KCNG3: variants seen among roughly 807,000 people sequenced by gnomAD.
The protein encoded by KCNG3 is potassium voltage-gated channel modifier subfamily G member 3.
A neutral mutation model predicts 29.0 loss-of-function variants in KCNG3; 15 were observed. The observed-to-expected ratio is 0.52, with a 90% CI of 0.35 to 0.80. The LOEUF (loss-of-function observed/expected upper bound fraction) is 0.80, where lower values mean the gene tolerates loss of function less well. KCNG3 is among the 30% of genes least tolerant of loss of function. The pLI is 0.01. For missense variants in KCNG3, 512 were observed against 605.7 expected (o/e 0.85, Z 1.62); for synonymous variants, 322 against 248.9 (o/e 1.29, Z -2.76).
intron 1 of KCNG3, among the ~76,000 whole-genome samples, chr2:42,476,445 C>T (rs933582896): frequency 1.3e-5 from 2 of 151,916 alleles, no homozygotes; most frequent in African/African-American, 4.8e-5. Context: ...CCACTGTAAT[C>T]CAGCCTGGAC....
At chr2:42,439,722 C>T (rs1208656058), downstream of KCNG3, among the ~76,000 whole-genome samples, 4 of 151,720 alleles carry the variant, frequency 2.6e-5, no homozygotes, top group South Asian at 6.2e-4. Context: ...TCTCGGCTCA[C>T]TGCAACCTCT....
chr2:42,401,883 C>CA, the KCNG3 span, among the ~76,000 whole-genome samples: 2 of 151,960 alleles, frequency 1.3e-5, no homozygotes, highest in East Asian at 3.8e-4. Context: ...GAATCCGTCT[C>CA]AAAAAACAAA....
the KCNG3 span, among the ~76,000 whole-genome samples, chr2:42,433,991 A>G: frequency 1.3e-5 from 2 of 152,212 alleles, no homozygotes; most frequent in South Asian, 4.1e-4. Flanking sequence ...AAGAAATTAA[A>G]GAAGACATAA....
chr2:42,472,797 G>A (rs144848205), intron 1 of KCNG3, among the ~76,000 whole-genome samples: 5 of 149,780 alleles, frequency 3.3e-5, no homozygotes, highest in African/African-American at 1.2e-4. Flanking sequence ...TATATCTATA[G>A]ATCTATACAT....
chr2:42,452,947 A>G (rs1672799481), intron 1 of KCNG3, among the ~76,000 whole-genome samples: 1 of 152,050 alleles, frequency 6.6e-6, no homozygotes, highest in South Asian at 2.1e-4. Context: ...ATGCCGGGGT[A>G]ATTTTTGTAT....
At chr2:42,491,579 T>C (rs1392610812) in intron 1 of KCNG3, among the ~76,000 whole-genome samples, 3 of 152,196 alleles carry the variant, frequency 2.0e-5, no homozygotes, top group African/African-American at 7.2e-5. Context: ...AAGTAACTCT[T>C]ATCTGTAAAT....
intron 1 of KCNG3, among the ~76,000 whole-genome samples, chr2:42,449,164 ATCAC>A (rs1672683841): frequency 6.6e-6 from 1 of 152,158 alleles, no homozygotes; most frequent in Admixed American, 6.5e-5. Context: ...AGTTGAATGT[ATCAC>A]TCAATTGTGT....
the KCNG3 span, among the ~76,000 whole-genome samples, chr2:42,418,472 T>C: frequency 6.6e-6 from 1 of 152,364 alleles, no homozygotes; most frequent in Non-Finnish European, 1.5e-5. Context: ...TGGATGCCTG[T>C]TGAGTTCAAT....
At chr2:42,417,703 T>G in the KCNG3 span, among the ~76,000 whole-genome samples, 1 of 152,130 alleles carries the variant, frequency 6.6e-6, no homozygotes, top group Non-Finnish European at 1.5e-5. Flanking sequence ...TCAGGCGTGG[T>G]GGCTCACACC....
At chr2:42,455,032 G>C (rs1177042723) in intron 1 of KCNG3, among the ~76,000 whole-genome samples, 1 of 152,128 alleles carries the variant, frequency 6.6e-6, no homozygotes, top group Non-Finnish European at 1.5e-5. Flanking sequence ...TTGTTAAGAT[G>C]GTAAATTTTA....
At chr2:42,481,615 T>C (rs1333942777) in intron 1 of KCNG3, among the ~76,000 whole-genome samples, 1 of 152,082 alleles carries the variant, frequency 6.6e-6, no homozygotes, top group East Asian at 1.9e-4. Flanking sequence ...CAAACCTAAA[T>C]CCTTTTAGTT....
At chr2:42,451,083 T>C (rs1340986059) in intron 1 of KCNG3, among the ~76,000 whole-genome samples, 1 of 150,246 alleles carries the variant, frequency 6.7e-6, no homozygotes, top group Non-Finnish European at 1.5e-5. Context: ...CAGGCGCCTG[T>C]AATCCCAGCT....
chr2:42,450,170 G>A (rs1009798399), intron 1 of KCNG3, among the ~76,000 whole-genome samples: 10 of 152,172 alleles, frequency 6.6e-5, no homozygotes, highest in Non-Finnish European at 1.2e-4. Flanking sequence ...TGACTAAGAA[G>A]GAGGAAATCC....
chr2:42,475,272 T>G (rs944746041), intron 1 of KCNG3, among the ~76,000 whole-genome samples: 47 of 151,748 alleles, frequency 3.1e-4, no homozygotes, highest in Middle Eastern at 3.2e-3. Flanking sequence ...TTCAGTGAGT[T>G]ATGATCACAC....
In KCNG3 at chr2:42,468,954, CAAAAAAAA is replaced by C. The variant is rs61287684; in HGVS notation, c.665+23875_665+23882del. Reference sequence around the variant, plus strand: ...GGGCGACACAGCAAGACTCCGTCTCCAAAAAAAAAAAAAAAAAAAAAAAAAAATGCCAA... The same window carrying C: ...GGGCGACACAGCAAGACTCCGTCTCCAAAAAAAAAAAAAAAAAAATGCCAA... On this transcript the variant is annotated intron_variant, in intron 1 of 1. Coordinates refer to ENST00000306078, the MANE Select transcript of KCNG3 (RefSeq NM_133329.6). 3.2e-4 allele frequency among the ~76,000 whole-genome samples: 18 copies of C among 57,114 alleles called. 1 individual carries two copies. In the East Asian group the frequency reaches 8.9e-3, roughly 28 times the overall value. 37.5% of individuals were successfully genotyped at this position (57,114 alleles called of 152,430 possible).
At position 42,473,878 on chromosome 2, in the gene KCNG3, G is replaced by A. The variant is rs373107798; in HGVS notation, c.665+18959C>T. Among the ~76,000 whole-genome samples the A allele has an allele frequency of 1.3e-4, 20 of 152,040 alleles. No homozygotes were observed. The South Asian group carries it at 3.5e-3, about 27-fold the overall frequency. On this transcript the variant is annotated intron_variant, in intron 1 of 1. Coordinates refer to ENST00000306078, the MANE Select transcript of KCNG3 (RefSeq NM_133329.6). ...ATAAATTATTCAGGTTAGGCCAGGC[G>A]CGGTGGCTCACGCCTGTAATCCCAC...
At chr2:42,439,483 G>A (rs536825587), downstream of KCNG3, among the ~76,000 whole-genome samples, 2 of 151,246 alleles carry the variant, frequency 1.3e-5, no homozygotes, top group South Asian at 2.1e-4. Context: ...GGCTGGTTTC[G>A]AACTCCTGAC....
At chr2:42,393,123 T>C in the KCNG3 span, among the ~76,000 whole-genome samples, 3 of 152,148 alleles carry the variant, frequency 2.0e-5, no homozygotes, top group Non-Finnish European at 4.4e-5. Flanking sequence ...TAATAGTACC[T>C]GCTTCATAGA....
the KCNG3 span, among the ~76,000 whole-genome samples, chr2:42,405,709 G>A: frequency 2.0e-5 from 3 of 151,926 alleles, no homozygotes; most frequent in Admixed American, 6.6e-5. Context: ...CCGGGTTCAC[G>A]CCATCCTCCT....
Sources: allele counts gnomAD v4.1 joint callset (sites outside exome capture counted in the v4.1 genomes callset), GRCh38; gene constraint gnomAD v4.1.1; transcripts MANE v1.5; gene names NCBI Gene and HGNC (gene_info 2026-07-23, HGNC 2026-07-21).